The following NMNAT3 variants were observed in gnomAD, a reference collection of about 807,000 sequenced individuals.
NMNAT3 encodes nicotinamide/nicotinic acid mononucleotide adenylyltransferase 3.
In NMNAT3, 21 loss-of-function variants were observed where a neutral mutation model predicts 24.8. The observed-to-expected ratio is 0.85, with a 90% CI of 0.60 to 1.22. The LOEUF is 1.22. Among genes scored for constraint, NMNAT3 ranks in the 50% most tolerant of loss-of-function variants. The pLI, the probability that NMNAT3 is intolerant of heterozygous loss-of-function variation, is 0.00. For missense variants in NMNAT3, 387 were observed against 436.6 expected, an observed-to-expected ratio of 0.89 and a Z score of 1.01; for synonymous variants, 136 against 155.2, an observed-to-expected ratio of 0.88 and a Z score of 0.92.
At chr3:139,611,036 G>T (rs2055186387) in intron 3 of NMNAT3, among the ~76,000 whole-genome samples, 1 of 3,970 alleles carries the variant, frequency 2.5e-4, no homozygotes, top group African/African-American at 3.5e-4. Flanking sequence ...TGGTGAGGAT[G>T]GGGGGGGTGG....
chr3:139,658,788 A>C (rs2057325364), intron 1 of NMNAT3, among the ~76,000 whole-genome samples: 2 of 152,206 alleles, frequency 1.3e-5, no homozygotes, highest in Non-Finnish European at 2.9e-5. Flanking sequence ...GTTTCTTTGA[A>C]CTTACAATGA....
At chr3:139,575,803 C>T (rs1939210827) in intron 5 of NMNAT3, 1 of 1,193,610 alleles carries the variant, frequency 8.4e-7, no homozygotes, top group Non-Finnish European at 1.1e-6. Context: ...TCAGCAGTCC[C>T]ACTGGTCTTC....
Position 139,578,940 on chromosome 3 carries a change from G to A in NMNAT3, c.507C>T (p.Ser169=), listed in dbSNP as rs374456784. 123 of 1,614,060 alleles carry A rather than the reference G, an allele frequency of 7.6e-5. No individual in the cohort carries two copies. The highest frequency in any genetic ancestry group is 3.3e-4 in the Middle Eastern group (2 of 6,084). Residue 169 remains serine (S), a synonymous_variant, in exon 5 of 7, where the codon TCC becomes TCT. Coordinates refer to ENST00000643695, the MANE Select transcript of NMNAT3 (RefSeq NM_001320510.2). ...CCCAAGGGTCCACCCGGATCCAGTC[G>A]GATGTCTGCAGGGCCAGCCGGGCCA...
intron 3 of NMNAT3, among the ~76,000 whole-genome samples, chr3:139,594,078 GA>G (rs1576601144): frequency 6.6e-6 from 1 of 151,648 alleles, no homozygotes; most frequent in East Asian, 1.9e-4. Flanking sequence ...GACTAATAAA[GA>G]AAAAAAGAGA....
intron 4 of NMNAT3, among the ~76,000 whole-genome samples, chr3:139,580,883 T>C (rs1293816203): frequency 6.6e-6 from 1 of 152,186 alleles, no homozygotes; most frequent in African/African-American, 2.4e-5. Context: ...ACAATTTGCA[T>C]TGTGTGCATC....
intron 1 of NMNAT3, among the ~76,000 whole-genome samples, chr3:139,666,584 T>A (rs1220459198): frequency 1.3e-5 from 2 of 152,250 alleles, no homozygotes; most frequent in Admixed American, 1.3e-4. Flanking sequence ...CATCTTTATG[T>A]TGGGAACATT....
At chr3:139,575,508 T>C (rs1939163543) in intron 5 of NMNAT3, 7 of 831,270 alleles carry the variant, frequency 8.4e-6, no homozygotes, top group African/African-American at 1.9e-5. Flanking sequence ...CTGAGCTTAC[T>C]AGATATACAT....
intron 3 of NMNAT3, among the ~76,000 whole-genome samples, chr3:139,590,725 G>A (rs963604546): frequency 6.6e-6 from 1 of 152,092 alleles, no homozygotes; most frequent in Admixed American, 6.5e-5. Context: ...ACTGAAAAGT[G>A]TGAAGGATAA....
At chr3:139,668,321 G>C (rs1257916315) in intron 1 of NMNAT3, among the ~76,000 whole-genome samples, 1 of 152,188 alleles carries the variant, frequency 6.6e-6, no homozygotes, top group Non-Finnish European at 1.5e-5. Flanking sequence ...TCTTCCTGAG[G>C]GGAGGAAAAG....
chr3:139,624,378 G>A (rs72973986), intron 3 of NMNAT3, among the ~76,000 whole-genome samples: 336 of 150,996 alleles, frequency 2.2e-3, no homozygotes, highest in African/African-American at 7.3e-3. Context: ...TTCTGTTATT[G>A]ATTTCTAATG....
intron 3 of NMNAT3, among the ~76,000 whole-genome samples, chr3:139,593,724 C>T (rs1221413025): frequency 3.4e-5 from 5 of 147,500 alleles, no homozygotes; most frequent in African/African-American, 5.1e-5. Flanking sequence ...GGGTACATAA[C>T]GAAATGAAGG....
At chr3:139,576,722 C>T (rs1430552938) in intron 5 of NMNAT3, among the ~76,000 whole-genome samples, 1 of 152,012 alleles carries the variant, frequency 6.6e-6, no homozygotes, top group Non-Finnish European at 1.5e-5. Context: ...CGTGTGCAAA[C>T]TAACACTGAG....
At chr3:139,614,698 G>A (rs1199752249) in intron 3 of NMNAT3, among the ~76,000 whole-genome samples, 1 of 152,222 alleles carries the variant, frequency 6.6e-6, no homozygotes, top group Non-Finnish European at 1.5e-5. Flanking sequence ...CATACATGAG[G>A]TCATTATGTC....
intron 3 of NMNAT3, chr3:139,599,574 T>C (rs2108212421): frequency 5.0e-6 from 3 of 605,818 alleles, no homozygotes; most frequent in Middle Eastern, 5.4e-4. Flanking sequence ...GACCAGAATC[T>C]CAACTAAATG....
chr3:139,619,752 G>A (rs932120300), intron 3 of NMNAT3, among the ~76,000 whole-genome samples: 1 of 152,162 alleles, frequency 6.6e-6, no homozygotes, highest in East Asian at 1.9e-4. Context: ...TCAAGCCTAT[G>A]TTTTATCAAG....
intron 5 of NMNAT3, chr3:139,576,055 G>T: frequency 7.8e-7 from 1 of 1,287,952 alleles, no homozygotes; most frequent in Non-Finnish European, 1.0e-6. Flanking sequence ...TATAGGGAAA[G>T]AAGGAATCCT....
chr3:139,582,869 T>G, intron 4 of NMNAT3: 1 of 1,150,646 alleles, frequency 8.7e-7, no homozygotes, highest in Non-Finnish European at 1.2e-6. Context: ...AGTTTGAAGT[T>G]TTTTCAAAAT....
At position 139,578,969 on chromosome 3, in the gene NMNAT3, C is replaced by T. The variant is rs374542694; in HGVS notation, c.478G>A (p.Ala160Thr). ...GTCTGCAGGGCCAGCCGGGCCATGGCCACTCGGTGATGAGAAGCTGCGAGG... is the reference window on the plus strand; with the variant it reads ...GTCTGCAGGGCCAGCCGGGCCATGGTCACTCGGTGATGAGAAGCTGCGAGG... The change falls in exon 5 of 7, where the codon GCC becomes ACC. Residue 160 changes from alanine (A) to threonine (T), a missense_variant. By Grantham distance (58) the Ala-to-Thr change is moderately conservative. Transcript: ENST00000643695. 2.0e-5 allele frequency: 33 copies of T among 1,614,074 alleles called. No homozygotes were observed. The African/African-American group carries it at 3.5e-4, about 17-fold the overall frequency.
At chr3:139,610,364 T>A (rs994108426) in intron 3 of NMNAT3, among the ~76,000 whole-genome samples, 1 of 152,206 alleles carries the variant, frequency 6.6e-6, no homozygotes, top group Admixed American at 6.5e-5. Context: ...ATGCTGTTTG[T>A]TATTAAATCA....
Sources: gnomAD v4.1 joint callset for allele counts (sites outside exome capture counted in the v4.1 genomes callset) on GRCh38, gnomAD v4.1.1 for gene constraint, MANE v1.5 for transcripts, NCBI Gene and HGNC (gene_info 2026-07-23, HGNC 2026-07-21) for gene names.